CAST: variants seen among roughly 807,000 people sequenced by gnomAD.
CAST encodes the protein calpastatin, also known as MIR583 host.
A neutral mutation model predicts 119.6 loss-of-function variants in CAST; 76 were observed. That is an observed-to-expected ratio of 0.64 (90% confidence interval 0.53 to 0.77). The LOEUF (loss-of-function observed/expected upper bound fraction) is 0.77, where lower values mean the gene tolerates loss of function less well. CAST is among the 30% of genes least tolerant of loss of function. CAST has a pLI of 0.00. For synonymous variants in CAST, 319 were observed against 331.6 expected (o/e 0.96, Z 0.41); for missense variants, 953 against 946.5 (o/e 1.01, Z -0.09).
the CAST span, among the ~76,000 whole-genome samples, chr5:96,369,147 A>G: frequency 5.3e-5 from 8 of 151,218 alleles, no homozygotes; most frequent in African/African-American, 1.5e-4. Flanking sequence ...TATATTTTAT[A>G]TATTTTTTCT....
At chr5:96,408,535 G>A in the CAST span, among the ~76,000 whole-genome samples, 1 of 152,168 alleles carries the variant, frequency 6.6e-6, no homozygotes, top group Admixed American at 6.5e-5. Flanking sequence ...TATAATTCTG[G>A]CAGCAAGATG....
chr5:96,627,031 C>T (rs1747736313), intron 1 of CAST, among the ~76,000 whole-genome samples: 1 of 152,130 alleles, frequency 6.6e-6, no homozygotes, highest in African/African-American at 2.4e-5. Flanking sequence ...AAAGTCAGCT[C>T]ACAGGGAAAC....
intron 1 of CAST, among the ~76,000 whole-genome samples, chr5:96,580,270 A>G (rs534775047): frequency 2.0e-4 from 31 of 152,372 alleles, no homozygotes; most frequent in African/African-American, 7.0e-4. Context: ...TAGAAAAAGT[A>G]TCGTAAATCA....
At chr5:96,252,911 A>C in the CAST span, among the ~76,000 whole-genome samples, 8 of 152,182 alleles carry the variant, frequency 5.3e-5, no homozygotes, top group Non-Finnish European at 1.2e-4. Flanking sequence ...GGAGTCTGAC[A>C]GTTAAGGTTT....
intron 1 of CAST, among the ~76,000 whole-genome samples, chr5:96,610,892 A>T (rs938885830): frequency 6.6e-6 from 1 of 152,106 alleles, no homozygotes; most frequent in African/African-American, 2.4e-5. Context: ...GCTGAGAACC[A>T]AATTAAGAAC....
the CAST span, among the ~76,000 whole-genome samples, chr5:96,099,016 T>A: frequency 2.0e-5 from 3 of 152,202 alleles, no homozygotes; most frequent in Non-Finnish European, 4.4e-5. Context: ...TGGTTTGTAG[T>A]TCTCCTTGTA....
At chr5:96,390,093 TTAGA>T in the CAST span, among the ~76,000 whole-genome samples, 34 of 152,324 alleles carry the variant, frequency 2.2e-4, no homozygotes, top group African/African-American at 7.2e-4. Flanking sequence ...TTAGTTTAGT[TTAGA>T]TAGTTTGTTC....
chr5:96,453,695 A>G, the CAST span, among the ~76,000 whole-genome samples: 2 of 152,244 alleles, frequency 1.3e-5, no homozygotes, highest in African/African-American at 4.8e-5. Context: ...GCATGCATGG[A>G]ATATGATTCG....
At chr5:96,276,272 G>T in the CAST span, among the ~76,000 whole-genome samples, 2 of 152,150 alleles carry the variant, frequency 1.3e-5, no homozygotes, top group Non-Finnish European at 2.9e-5. Flanking sequence ...AAAACCCATA[G>T]TAAAAATGTA....
At position 96,604,285 on chromosome 5, in the gene CAST, A is replaced by G. The variant is rs576595853; in HGVS notation, c.61-71254A>G. On this transcript the variant is annotated intron_variant, in intron 1 of 11. Transcript: ENST00000505143. Reference sequence around the variant, plus strand: ...AACATACTCAGGATGGTCACTATCTACTATAATCACTTGATTCTCAATAAA... The same window carrying G: ...AACATACTCAGGATGGTCACTATCTGCTATAATCACTTGATTCTCAATAAA... Among the ~76,000 whole-genome samples, 115 of 152,340 alleles carry G rather than the reference A, an allele frequency of 7.5e-4. 1 individual carries two copies. The Middle Eastern group carries it at 0.01, about 14-fold the overall frequency.
chr5:96,006,775 G>T, the CAST span, among the ~76,000 whole-genome samples: 1 of 152,158 alleles, frequency 6.6e-6, no homozygotes, highest in Non-Finnish European at 1.5e-5. Flanking sequence ...GGGCTCTTCA[G>T]CATGTTTTAA....
chr5:96,258,703 A>T, the CAST span, among the ~76,000 whole-genome samples: 1 of 152,186 alleles, frequency 6.6e-6, no homozygotes, highest in African/African-American at 2.4e-5. Context: ...ATCTTGACAT[A>T]TTACTTTGTC....
chr5:95,991,796 G>A, the CAST span, among the ~76,000 whole-genome samples: 7 of 151,946 alleles, frequency 4.6e-5, no homozygotes, highest in Admixed American at 3.9e-4. Flanking sequence ...GTGAGCCACC[G>A]TACCTGGCCA....
intron 1 of CAST, among the ~76,000 whole-genome samples, chr5:96,629,192 A>G (rs528867157): frequency 6.6e-6 from 1 of 152,352 alleles, no homozygotes; most frequent in East Asian, 1.9e-4. Context: ...GGGTTGATAT[A>G]AAGCGAGTCC....
At chr5:95,965,101 G>C in the CAST span, 1 of 152,278 alleles carries the variant, frequency 6.6e-6, no homozygotes, top group Non-Finnish European at 1.5e-5. Flanking sequence ...ATGAGTGAAA[G>C]AGGGCAGATA....
the CAST span, among the ~76,000 whole-genome samples, chr5:96,076,455 C>A: frequency 2.0e-5 from 3 of 152,128 alleles, no homozygotes; most frequent in Non-Finnish European, 4.4e-5. Context: ...TTCTTCATAA[C>A]CCTAAGGGGC....
the CAST span, chr5:95,961,739 G>C: frequency 6.5e-7 from 1 of 1,538,228 alleles, no homozygotes; most frequent in Non-Finnish European, 8.7e-7. Flanking sequence ...TCCCCGGGGT[G>C]CCGCCGCCGC....
intron 1 of CAST, among the ~76,000 whole-genome samples, chr5:96,560,113 C>T (rs1454293641): frequency 2.6e-5 from 4 of 152,116 alleles, no homozygotes; most frequent in African/African-American, 7.2e-5. Flanking sequence ...GGAAAGGATT[C>T]CCTATTTAAT....
chr5:96,210,946 T>A, the CAST span, among the ~76,000 whole-genome samples: 4 of 152,038 alleles, frequency 2.6e-5, no homozygotes, highest in African/African-American at 9.6e-5. Flanking sequence ...GTAAGTTGTA[T>A]TTTTAATTTT....
Sources: gnomAD v4.1 joint callset for allele counts (sites outside exome capture counted in the v4.1 genomes callset) on GRCh38, gnomAD v4.1.1 for gene constraint, MANE v1.5 for transcripts, NCBI Gene and HGNC (gene_info 2026-07-23, HGNC 2026-07-21) for gene names.